SCAF8: variants seen among roughly 807,000 people sequenced by gnomAD.
SCAF8 encodes SR-related and CTD-associated factor 8.
In SCAF8, 23 loss-of-function variants were observed where a neutral mutation model predicts 140.5. That is an observed-to-expected ratio of 0.16 (90% CI 0.12 to 0.23). SCAF8 has a LOEUF of 0.23. Among genes scored for constraint, SCAF8 ranks in the 10% least tolerant of loss-of-function variants. SCAF8 has a pLI of 1.00. For missense variants in SCAF8, 1,397 were observed against 1,555.7 expected (o/e 0.90, Z 1.72); for synonymous variants, 575 against 528.9 (o/e 1.09, Z -1.20).
At chr6:154,813,583 A>T (rs1248699142) in intron 12 of SCAF8, among the ~76,000 whole-genome samples, 2 of 152,144 alleles carry the variant, frequency 1.3e-5, no homozygotes, top group Non-Finnish European at 2.9e-5. Flanking sequence ...GACTTCTGTT[A>T]AGGTTTTGTG....
At chr6:154,736,978 T>A (rs1267154415) in intron 1 of SCAF8, among the ~76,000 whole-genome samples, 3 of 152,170 alleles carry the variant, frequency 2.0e-5, no homozygotes, top group African/African-American at 4.8e-5. Flanking sequence ...CTTTTTTTTT[T>A]AAACACAAAA....
At chr6:154,797,560 T>C (rs1777642474) in intron 6 of SCAF8, among the ~76,000 whole-genome samples, 1 of 151,284 alleles carries the variant, frequency 6.6e-6, no homozygotes, top group South Asian at 2.1e-4. Context: ...CATGCCCAGC[T>C]GATTTCTCTA....
chr6:154,799,211 C>T (rs1396061919), intron 6 of SCAF8, among the ~76,000 whole-genome samples: 1 of 151,024 alleles, frequency 6.6e-6, no homozygotes, highest in Non-Finnish European at 1.5e-5. Context: ...CTCCTGACCT[C>T]AGGCGATCCC....
intron 1 of SCAF8, among the ~76,000 whole-genome samples, chr6:154,737,788 G>T (rs894901987): frequency 6.6e-5 from 10 of 152,088 alleles, no homozygotes; most frequent in Admixed American, 2.6e-4. Flanking sequence ...TTGCCATGTT[G>T]CCCTGGCTGG....
At chr6:154,765,073 A>G (rs1444849001) in intron 1 of SCAF8, among the ~76,000 whole-genome samples, 2 of 152,182 alleles carry the variant, frequency 1.3e-5, no homozygotes, top group Admixed American at 6.5e-5. Context: ...TAGTCTCTTT[A>G]TGTACATTAT....
At chr6:154,788,400 A>G (rs1777317323) in intron 4 of SCAF8, among the ~76,000 whole-genome samples, 1 of 152,170 alleles carries the variant, frequency 6.6e-6, no homozygotes, top group Admixed American at 6.5e-5. Flanking sequence ...TTCTCAGAAC[A>G]TATCCTTGTC....
chr6:154,832,507 T>C lies in SCAF8; in HGVS notation c.2928T>C (p.Phe976=). 1.2e-6 allele frequency: 2 copies of C among 1,613,912 alleles called. No homozygotes were observed. The highest frequency in any genetic ancestry group is 1.7e-6 in the Non-Finnish European group (2 of 1,179,948). ...PRGPFPPGDI[F]SQPERPFLAP... ...GACCTTTTCCTCCAGGAGATATTTT[T>C]AGTCAACCAGAAAGACCTTTTTTAG... Residue 976 remains phenylalanine (F), a synonymous_variant, in exon 20 of 20, where the codon TTT becomes TTC. Coordinates refer to ENST00000367178, the MANE Select transcript of SCAF8 (RefSeq NM_014892.5).
chr6:154,827,739 A>G (rs888424340), intron 18 of SCAF8, among the ~76,000 whole-genome samples: 3 of 149,340 alleles, frequency 2.0e-5, no homozygotes, highest in African/African-American at 4.9e-5. Flanking sequence ...AGAATACTTG[A>G]GAAGCAAAAT....
chr6:154,785,845 AC>A (rs1229084454), intron 3 of SCAF8, among the ~76,000 whole-genome samples: 1 of 152,152 alleles, frequency 6.6e-6, no homozygotes, highest in East Asian at 1.9e-4. Context: ...ATTCGTTCTT[AC>A]CTTTCTCCCC....
At chr6:154,748,093 A>G (rs1033031139) in intron 1 of SCAF8, among the ~76,000 whole-genome samples, 2 of 152,196 alleles carry the variant, frequency 1.3e-5, no homozygotes, top group East Asian at 1.9e-4. Context: ...ATTGCTTTCT[A>G]TCTCTTCCTT....
chr6:154,831,023 A>C lies in SCAF8; in HGVS notation c.2242A>C (p.Thr748Pro), dbSNP rs761220212. The change falls in exon 19 of 20, where the codon ACT becomes CCT. Residue 748 changes from threonine to proline, a missense_variant. Transcript: ENST00000367178. ...CGGTTCTGTTGCCAGCAATCTTGCT[A>C]CTTCCGCTCTGCCAGCTGGAAATGT... ...PGGSVASNLA[T>P]SALPAGNVFN... 1.2e-6 allele frequency: 2 copies of C among 1,613,960 alleles called. No homozygotes were observed. Among genetic ancestry groups the C allele is most frequent in the African/African-American group, 2.7e-5 (2 of 74,940 alleles).
chr6:154,815,893 A>C, intron 13 of SCAF8, 77 bp downstream of exon 13: 1 of 772,372 alleles, frequency 1.3e-6, no homozygotes, highest in Non-Finnish European at 2.2e-6. Flanking sequence ...TTCTGTTCCT[A>C]ATTAGCCCAG....
intron 1 of SCAF8, among the ~76,000 whole-genome samples, chr6:154,759,868 C>T (rs757510581): frequency 1.4e-4 from 22 of 152,126 alleles, no homozygotes; most frequent in African/African-American, 4.3e-4. Context: ...GGGGTTTCAC[C>T]GTGATCAAGC....
At chr6:154,765,926 G>A (rs750005832) in intron 1 of SCAF8, among the ~76,000 whole-genome samples, 5 of 152,034 alleles carry the variant, frequency 3.3e-5, no homozygotes, top group South Asian at 2.1e-4. Flanking sequence ...GCCAACCCCC[G>A]TGTAGCTGAA....
At chr6:154,742,089 T>G in intron 1 of SCAF8, 5 of 1,003,930 alleles carry the variant, frequency 5.0e-6, no homozygotes, top group Middle Eastern at 2.1e-4. Context: ...AGTGGAATAG[T>G]GTATTTGATT....
At chr6:154,755,080 T>TA (rs1778932468) in intron 1 of SCAF8, among the ~76,000 whole-genome samples, 1 of 152,312 alleles carries the variant, frequency 6.6e-6, no homozygotes, top group African/African-American at 2.4e-5. Context: ...AATTATTTTT[T>TA]AAAAAATGTA....
At position 154,832,137 on chromosome 6, in the gene SCAF8, G is replaced by C. The variant is rs1023903859; in HGVS notation, c.2558G>C (p.Gly853Ala). ...AQPPNILNNS[G>A]ILGIQPPSVS... The stretch of plus-strand genomic sequence containing the variant: ...CCACCAAATATTCTAAATAACTCTG[G>C]AATATTGGGAATACAGCCACCCAGT... The change falls in exon 20 of 20, where the codon GGA becomes GCA. Residue 853 changes from glycine to alanine, a missense_variant. Coordinates refer to ENST00000367178, the MANE Select transcript of SCAF8 (RefSeq NM_014892.5). 1.2e-5 allele frequency: 19 copies of C among 1,613,852 alleles called. No individual in the cohort carries two copies. Among genetic ancestry groups the C allele is most frequent in the Non-Finnish European group, 2.5e-6 (3 of 1,179,968 alleles).
chr6:154,771,656 G>T (rs1434726579), intron 1 of SCAF8, among the ~76,000 whole-genome samples: 1 of 152,188 alleles, frequency 6.6e-6, no homozygotes, highest in Non-Finnish European at 1.5e-5. Context: ...AAAACCAAAT[G>T]CATGTTCTCA....
At chr6:154,827,326 A>T in intron 18 of SCAF8, 86 bp downstream of exon 18, 1 of 866,480 alleles carries the variant, frequency 1.2e-6, no homozygotes, top group Non-Finnish European at 1.8e-6. Flanking sequence ...ATTACCGTTA[A>T]TATTTTTATT....
Sources: allele counts gnomAD v4.1 joint callset (sites outside exome capture counted in the v4.1 genomes callset), GRCh38; gene constraint gnomAD v4.1.1; transcripts MANE v1.5; gene names NCBI Gene and HGNC (gene_info 2026-07-23, HGNC 2026-07-21).